Variants in TANC2 observed in about 807,000 individuals in gnomAD.
TANC2 encodes the protein protein TANC2.
Under a neutral mutation model 210.5 loss-of-function variants are expected in TANC2, and 26 were observed. That is an observed-to-expected ratio of 0.12 (90% CI 0.09 to 0.17). TANC2 has a LOEUF of 0.17. Among genes scored for constraint, TANC2 ranks in the 10% least tolerant of loss-of-function variants. The pLI, the probability that TANC2 is intolerant of heterozygous loss-of-function variation, is 1.00. For synonymous variants in TANC2, 931 were observed against 967.1 expected, an observed-to-expected ratio of 0.96 and a Z score of 0.69; for missense variants, 2,129 against 2,608.9, an observed-to-expected ratio of 0.82 and a Z score of 4.01.
intron 9 of TANC2, among the ~76,000 whole-genome samples, chr17:63,269,177 A>G (rs2043621092): frequency 6.6e-6 from 1 of 152,114 alleles, no homozygotes; most frequent in African/African-American, 2.4e-5. Context: ...TATTGCAACA[A>G]TTACCATACC....
intron 4 of TANC2, among the ~76,000 whole-genome samples, chr17:63,143,733 A>T (rs922545284): frequency 6.6e-6 from 1 of 152,132 alleles, no homozygotes; most frequent in Admixed American, 6.5e-5. Context: ...TGAATTATTT[A>T]TAGATTTTAA....
At chr17:63,359,978 T>C (rs2046911246) in intron 14 of TANC2, among the ~76,000 whole-genome samples, 1 of 152,176 alleles carries the variant, frequency 6.6e-6, no homozygotes, top group Non-Finnish European at 1.5e-5. Context: ...GTAAGTGAAT[T>C]ACACGTTGGA....
chr17:63,083,953 G>C (rs1182445070), intron 3 of TANC2, among the ~76,000 whole-genome samples: 4 of 152,112 alleles, frequency 2.6e-5, no homozygotes, highest in African/African-American at 4.8e-5. Context: ...TAGTGTTCTT[G>C]TTGTATCTGT....
At chr17:62,983,959 T>C (rs1210410088) in intron 1 of TANC2, among the ~76,000 whole-genome samples, 1 of 152,090 alleles carries the variant, frequency 6.6e-6, no homozygotes, top group Non-Finnish European at 1.5e-5. Context: ...CTGGTTTTGG[T>C]ATTAGGGTTA....
chr17:63,102,053 C>T (rs1432891776), intron 4 of TANC2, among the ~76,000 whole-genome samples: 3 of 152,172 alleles, frequency 2.0e-5, no homozygotes, highest in African/African-American at 7.2e-5. Context: ...GTCATCTCAG[C>T]ACTTTCAGAG....
chr17:63,118,411 T>C (rs1022093362), intron 4 of TANC2, among the ~76,000 whole-genome samples: 58 of 152,234 alleles, frequency 3.8e-4, no homozygotes, highest in African/African-American at 1.3e-3. Context: ...TACTGACTTT[T>C]CTTAAAAGAC....
chr17:63,291,203 G>A lies in TANC2; in HGVS notation c.1160-23185G>A, dbSNP rs1347578954. Among the ~76,000 whole-genome samples the A allele has an allele frequency of 1.2e-4, 18 of 152,128 alleles. 1 individual carries two copies. Among genetic ancestry groups the A allele is most frequent in the Admixed American group, 1.2e-3 (18 of 15,278 alleles). ...CCTCTCGTTATTTAATAGTCTTCTT[G>A]TTTATGACAGTAGCCTTTAAACAGG... On this transcript the variant is annotated intron_variant, in intron 9 of 27. Transcript: ENST00000689528.
intron 2 of TANC2, among the ~76,000 whole-genome samples, chr17:63,063,254 C>A (rs1441173324): frequency 6.6e-6 from 1 of 152,146 alleles, no homozygotes; most frequent in Non-Finnish European, 1.5e-5. Flanking sequence ...TTCAGCAACC[C>A]AGAAGTTCCC....
At chr17:63,323,161 TTTCAAA>T (rs1404955224) in intron 11 of TANC2, among the ~76,000 whole-genome samples, 1 of 152,228 alleles carries the variant, frequency 6.6e-6, no homozygotes, top group African/African-American at 2.4e-5. Flanking sequence ...TAAATAGGAT[TTTCAAA>T]TTAGTTAATG....
intron 9 of TANC2, among the ~76,000 whole-genome samples, chr17:63,301,765 G>T (rs904865677): frequency 5.5e-4 from 84 of 151,956 alleles, no homozygotes; most frequent in African/African-American, 1.6e-3. Context: ...GGTTTTTCTT[G>T]TCTCTATACT....
chr17:63,246,845 A>T (rs2042932665), intron 8 of TANC2, among the ~76,000 whole-genome samples: 1 of 152,158 alleles, frequency 6.6e-6, no homozygotes, highest in Non-Finnish European at 1.5e-5. Context: ...GAATTGCTGA[A>T]TCTTATGGTA....
intron 5 of TANC2, among the ~76,000 whole-genome samples, chr17:63,177,379 A>G (rs2040625771): frequency 6.6e-6 from 1 of 151,854 alleles, no homozygotes; most frequent in African/African-American, 2.4e-5. Context: ...TGAATAGGAA[A>G]TGGAATTGAA....
intron 14 of TANC2, among the ~76,000 whole-genome samples, chr17:63,371,556 G>C (rs1409380747): frequency 6.6e-6 from 1 of 152,050 alleles, no homozygotes; most frequent in African/African-American, 2.4e-5. Context: ...AATGAAATCT[G>C]TGTGACTCCA....
intron 5 of TANC2, among the ~76,000 whole-genome samples, chr17:63,172,055 A>G (rs1431176824): frequency 6.6e-6 from 1 of 152,208 alleles, no homozygotes; most frequent in South Asian, 2.1e-4. Flanking sequence ...ATCCAGTACA[A>G]TAACTGCCTT....
intron 5 of TANC2, among the ~76,000 whole-genome samples, chr17:63,188,805 A>G (rs2041086185): frequency 6.6e-6 from 1 of 152,128 alleles, no homozygotes; most frequent in South Asian, 2.1e-4. Context: ...ACCAAAAAAT[A>G]CATCCTTTTA....
chr17:63,167,628 A>G (rs1398088094), intron 5 of TANC2, among the ~76,000 whole-genome samples: 1 of 152,146 alleles, frequency 6.6e-6, no homozygotes, highest in Non-Finnish European at 1.5e-5. Context: ...TGGGTTTCCA[A>G]AAAATAAATA....
chr17:63,248,912 T>C (rs1259712209), intron 8 of TANC2, among the ~76,000 whole-genome samples: 1 of 152,090 alleles, frequency 6.6e-6, no homozygotes, highest in African/African-American at 2.4e-5. Flanking sequence ...ACATATGACA[T>C]AAATGGAAGA....
chr17:63,130,231 C>T (rs982840770), intron 4 of TANC2, among the ~76,000 whole-genome samples: 12 of 151,900 alleles, frequency 7.9e-5, no homozygotes, highest in Non-Finnish European at 1.3e-4. Context: ...TTTACTTGGC[C>T]GGCTCAGTGG....
At chr17:63,398,432 G>A (rs1222153450) in intron 18 of TANC2, among the ~76,000 whole-genome samples, 1 of 151,406 alleles carries the variant, frequency 6.6e-6, no homozygotes, top group Non-Finnish European at 1.5e-5. Context: ...CTCCAGTCTA[G>A]GTGACAGAAC....
Sources: gnomAD v4.1 joint callset for allele counts (sites outside exome capture counted in the v4.1 genomes callset) on GRCh38, gnomAD v4.1.1 for gene constraint, MANE v1.5 for transcripts, NCBI Gene and HGNC (gene_info 2026-07-23, HGNC 2026-07-21) for gene names.